PXDNL: variants seen among roughly 807,000 people sequenced by gnomAD.
The protein encoded by PXDNL is probable oxidoreductase PXDNL.
A neutral mutation model predicts 150.8 loss-of-function variants in PXDNL; 145 were observed. That is an observed-to-expected ratio of 0.96 (90% confidence interval 0.84 to 1.10). The LOEUF (loss-of-function observed/expected upper bound fraction) is 1.10. Ranked by LOEUF, PXDNL falls within the 50% of genes least tolerant of loss-of-function variation. The pLI is 0.00. For missense variants in PXDNL, 2,087 were observed against 1,873.9 expected (o/e 1.11, Z -2.10); for synonymous variants, 757 against 725.7 (o/e 1.04, Z -0.69).
chr8:51,776,215 T>A (rs1191241300), intron 1 of PXDNL, among the ~76,000 whole-genome samples: 3 of 152,190 alleles, frequency 2.0e-5, no homozygotes, highest in Non-Finnish European at 4.4e-5. Flanking sequence ...TTTGCCCCAG[T>A]CCTGTGGTCC....
chr8:51,614,507 T>A (rs1347489795), intron 2 of PXDNL, among the ~76,000 whole-genome samples: 1 of 152,198 alleles, frequency 6.6e-6, no homozygotes, highest in Non-Finnish European at 1.5e-5. Flanking sequence ...TCTGGCCATG[T>A]GGCAGCACCT....
intron 1 of PXDNL, among the ~76,000 whole-genome samples, chr8:51,727,646 TAAAAAAAGGA>T (rs1314062775): frequency 2.0e-5 from 3 of 151,548 alleles, no homozygotes; most frequent in East Asian, 3.9e-4. Context: ...TATAACTGAC[TAAAAAAAGGA>T]AAAAAAAGGA....
intron 1 of PXDNL, among the ~76,000 whole-genome samples, chr8:51,721,189 T>C (rs1428216331): frequency 1.3e-5 from 2 of 152,220 alleles, no homozygotes; most frequent in Non-Finnish European, 2.9e-5. Flanking sequence ...AAAGTGAGGC[T>C]GGCACTGAAA....
chr8:51,614,080 G>A (rs1450493003), intron 2 of PXDNL, among the ~76,000 whole-genome samples: 1 of 152,170 alleles, frequency 6.6e-6, no homozygotes, highest in Non-Finnish European at 1.5e-5. Flanking sequence ...TAAGTGAACA[G>A]CTATTTTCAT....
chr8:51,659,895 ATTT>A (rs1815232999), intron 1 of PXDNL, among the ~76,000 whole-genome samples: 2 of 151,028 alleles, frequency 1.3e-5, no homozygotes, highest in Non-Finnish European at 2.9e-5. Flanking sequence ...TTATTTATTT[ATTT>A]ATTTATTTTG....
At chr8:51,667,246 C>G (rs1275607110) in intron 1 of PXDNL, among the ~76,000 whole-genome samples, 2 of 152,194 alleles carry the variant, frequency 1.3e-5, no homozygotes, top group East Asian at 3.8e-4. Context: ...AGTGCCCCGA[C>G]AGCCCACAGC....
At chr8:51,394,420 T>C (rs1432404955) in intron 17 of PXDNL, among the ~76,000 whole-genome samples, 1 of 152,156 alleles carries the variant, frequency 6.6e-6, no homozygotes, top group Non-Finnish European at 1.5e-5. Flanking sequence ...AAATTATAAC[T>C]CTGAAGAGGA....
chr8:51,452,482 G>A (rs575951660), intron 10 of PXDNL, among the ~76,000 whole-genome samples: 22 of 152,182 alleles, frequency 1.4e-4, no homozygotes, highest in Non-Finnish European at 3.2e-4. Context: ...TAAAGGAGTT[G>A]ATGCTAAACA....
chr8:51,643,292 A>G (rs959744475), intron 2 of PXDNL, among the ~76,000 whole-genome samples: 5 of 152,220 alleles, frequency 3.3e-5, no homozygotes, highest in Admixed American at 1.3e-4. Flanking sequence ...ACTTCAAACT[A>G]TACCACAAGG....
intron 1 of PXDNL, among the ~76,000 whole-genome samples, chr8:51,718,187 T>C (rs1331118632): frequency 1.3e-5 from 2 of 151,992 alleles, no homozygotes; most frequent in South Asian, 2.1e-4. Flanking sequence ...GGATTGATTG[T>C]CCCAAGCAGA....
At chr8:51,557,076 A>G (rs1350769670) in intron 3 of PXDNL, among the ~76,000 whole-genome samples, 165 bp from the exon 4 acceptor site, 1 of 152,176 alleles carries the variant, frequency 6.6e-6, no homozygotes, top group Non-Finnish European at 1.5e-5. Context: ...AATGTGTTCA[A>G]TTGGTAAGAG....
chr8:51,613,482 G>GGT (rs1383509760), intron 2 of PXDNL, among the ~76,000 whole-genome samples: 14 of 79,850 alleles, frequency 1.8e-4, no homozygotes, highest in African/African-American at 4.3e-4. Flanking sequence ...AGCTTAAGGG[G>GGT]GCGGGGGGGG....
chr8:51,678,760 T>C (rs895764432), intron 1 of PXDNL, among the ~76,000 whole-genome samples: 3 of 152,132 alleles, frequency 2.0e-5, no homozygotes, highest in African/African-American at 7.2e-5. Flanking sequence ...GATATATACC[T>C]AATGCTAGAT....
chr8:51,806,988 A>T (rs2037682968), intron 1 of PXDNL, among the ~76,000 whole-genome samples: 1 of 152,238 alleles, frequency 6.6e-6, no homozygotes, highest in Non-Finnish European at 1.5e-5. Context: ...TGCAAACATG[A>T]TACTAATAGT....
chr8:51,744,548 C>T (rs370524651), intron 1 of PXDNL, among the ~76,000 whole-genome samples: 50 of 148,270 alleles, frequency 3.4e-4, no homozygotes, highest in African/African-American at 1.1e-3. Context: ...TGGTGGCAGG[C>T]GCCTGCAGTC....
chr8:51,535,002 T>C (rs1812033554), intron 4 of PXDNL, among the ~76,000 whole-genome samples: 1 of 111,954 alleles, frequency 8.9e-6, no homozygotes, highest in Admixed American at 8.1e-5. Flanking sequence ...AGCCGCCCTA[T>C]CCAGGAGGTG....
intron 12 of PXDNL, among the ~76,000 whole-genome samples, chr8:51,443,020 C>A (rs189872326): frequency 6.6e-6 from 1 of 152,050 alleles, no homozygotes; most frequent in Non-Finnish European, 1.5e-5. Context: ...AGGTTTAACA[C>A]GTGGAATAAT....
At position 51,457,436 on chromosome 8, in the gene PXDNL, C is replaced by A. The variant is rs1032355257; in HGVS notation, c.982+62G>T. ...CTTTGAAGTATTACATACTCTAAAG[C>A]AGCAATATTAGATCATTTTCCAGTG... On this transcript the variant is annotated intron_variant, in intron 9 of 22. Coordinates refer to ENST00000356297, the MANE Select transcript of PXDNL (RefSeq NM_144651.5). 7.6e-6 allele frequency: 10 copies of A among 1,313,530 alleles called. No individual in the cohort carries two copies. The African/African-American group carries it at 1.3e-4, about 17-fold the overall frequency. 81.4% of individuals were successfully genotyped at this position (1,313,530 alleles called of 1,614,324 possible). A position where few individuals can be genotyped will look rare whatever the true frequency, so the allele number is the denominator to read the frequency against.
In PXDNL at chr8:51,408,551, G is replaced by A. The variant is rs1284252950; in HGVS notation, c.3073C>T (p.Pro1025Ser). Residue 1025 changes from proline to serine, a missense_variant, in exon 17 of 23, where the codon CCT becomes TCT. Coordinates refer to ENST00000356297, the MANE Select transcript of PXDNL (RefSeq NM_144651.5). ...SHWLPKVLGD[P>S]GTRMLRGYRG... ...TAACCCCTCAGCATCCTAGTGCCAG[G>A]GTCCCCCAGGACCTTAGGCAGCCAG... 1 of 1,613,088 alleles carries A rather than the reference G, an allele frequency of 6.2e-7. No homozygotes were observed. Among genetic ancestry groups the A allele is most frequent in the Non-Finnish European group, 8.5e-7 (1 of 1,179,558 alleles).
Sources: gnomAD v4.1 joint callset for allele counts (sites outside exome capture counted in the v4.1 genomes callset) on GRCh38, gnomAD v4.1.1 for gene constraint, MANE v1.5 for transcripts, NCBI Gene and HGNC (gene_info 2026-07-23, HGNC 2026-07-21) for gene names.